Variants in GALNT18 observed in about 807,000 individuals in gnomAD.
The protein encoded by GALNT18 is GalNAc-transferase 18.
In GALNT18, 44 loss-of-function variants were observed where a neutral mutation model predicts 69.5. That is an observed-to-expected ratio of 0.63 (90% CI 0.50 to 0.81). GALNT18 has a LOEUF of 0.81. GALNT18 is among the 40% of genes least tolerant of loss of function. The probability of loss-of-function intolerance (pLI) is 0.00; values close to 1 mark genes in which losing one functional copy is unlikely to be tolerated. For missense variants in GALNT18, 715 were observed against 810.0 expected (o/e 0.88, Z 1.42); for synonymous variants, 364 against 318.2 (o/e 1.14, Z -1.53).
At chr11:11,291,860 C>T (rs572878489) in intron 10 of GALNT18, among the ~76,000 whole-genome samples, 1 of 152,286 alleles carries the variant, frequency 6.6e-6, no homozygotes, top group South Asian at 2.1e-4. Flanking sequence ...TCTGTAAGTG[C>T]TCTAATTCTG....
At chr11:11,308,795 T>C (rs11021774) in intron 9 of GALNT18, among the ~76,000 whole-genome samples, 12,786 of 152,262 alleles carry the variant, frequency 0.084, 626 homozygotes, top group Non-Finnish European at 0.11. Flanking sequence ...TCAAGGTCTT[T>C]GGCACCAGGC....
chr11:11,608,905 G>C (rs916764657), intron 1 of GALNT18, among the ~76,000 whole-genome samples: 1 of 152,150 alleles, frequency 6.6e-6, no homozygotes, highest in Middle Eastern at 3.2e-3. Context: ...ATTCTTCAAA[G>C]ATGTGTCATT....
chr11:11,350,056 G>A (rs1850371808), intron 6 of GALNT18, among the ~76,000 whole-genome samples: 1 of 152,228 alleles, frequency 6.6e-6, no homozygotes, highest in Admixed American at 6.5e-5. Flanking sequence ...AACTATCAGA[G>A]GCAGCAGGAT....
chr11:11,277,651 C>T (rs1224887503), intron 10 of GALNT18, among the ~76,000 whole-genome samples: 1 of 152,168 alleles, frequency 6.6e-6, no homozygotes, highest in Non-Finnish European at 1.5e-5. Flanking sequence ...CTATACATTT[C>T]CCTCTACAAC....
At chr11:11,388,647 G>A (rs945043611) in intron 3 of GALNT18, among the ~76,000 whole-genome samples, 2 of 152,222 alleles carry the variant, frequency 1.3e-5, no homozygotes, top group South Asian at 2.1e-4. Context: ...GGATGTGCAC[G>A]ATGAGCTCGG....
intron 3 of GALNT18, among the ~76,000 whole-genome samples, chr11:11,416,331 C>A (rs1296646640): frequency 1.3e-5 from 2 of 152,198 alleles, no homozygotes; most frequent in Non-Finnish European, 2.9e-5. Context: ...TGATGGAGAA[C>A]CCGCTCTGCA....
rs142196339 is a variant in GALNT18 at position 11,523,515 on chromosome 11, C to A, written c.236-74579G>T. Reference sequence around the variant, plus strand: ...CGGGTGGATCATGAGGTCAGGAGATCGAGACCATCTTGGCTAACACAGTGA... The same window carrying A: ...CGGGTGGATCATGAGGTCAGGAGATAGAGACCATCTTGGCTAACACAGTGA... On this transcript the variant is annotated intron_variant, in intron 1 of 10. Coordinates refer to ENST00000227756, the MANE Select transcript of GALNT18 (RefSeq NM_198516.3). This position sits in a 1 kb window ranked among gnomAD's most constrained non-coding sequence, Gnocchi z 4.3. 6.6e-6 allele frequency among the ~76,000 whole-genome samples: 1 copy of A among 151,852 alleles called. No homozygotes were observed. Among genetic ancestry groups the A allele is most frequent in the Non-Finnish European group, 1.5e-5 (1 of 67,974 alleles).
rs947779601 is a variant in GALNT18, at chr11:11,546,598, G to A, written c.235+74761C>T. Among the ~76,000 whole-genome samples, 3 of 152,126 alleles carry A rather than the reference G, an allele frequency of 2.0e-5. No homozygotes were observed. The highest frequency in any genetic ancestry group is 6.6e-5 in the Admixed American group (1 of 15,260). ...AACACAAAATCTTGACCGTGCCTTC[G>A]AAGCCTTTCCCAACCCAGATCCAGC... On this transcript the variant is annotated intron_variant, in intron 1 of 10. Coordinates refer to ENST00000227756, the MANE Select transcript of GALNT18 (RefSeq NM_198516.3). The surrounding 1 kb of genome is among the most constrained non-coding windows in gnomAD (Gnocchi z 5.8).
chr11:11,550,847 G>A (rs1281104506), intron 1 of GALNT18, among the ~76,000 whole-genome samples: 1 of 152,178 alleles, frequency 6.6e-6, no homozygotes, highest in Non-Finnish European at 1.5e-5. Flanking sequence ...CATGTGACTA[G>A]TGGCTACCAT....
At chr11:11,474,528 A>C (rs1856345688) in intron 1 of GALNT18, among the ~76,000 whole-genome samples, 2 of 152,210 alleles carry the variant, frequency 1.3e-5, no homozygotes, top group Admixed American at 6.5e-5. Context: ...CAAAAGAATG[A>C]ATGGAAGGAG....
intron 5 of GALNT18, among the ~76,000 whole-genome samples, chr11:11,374,373 C>T (rs1174314731): frequency 1.3e-5 from 2 of 152,190 alleles, no homozygotes; most frequent in African/African-American, 4.8e-5. Context: ...AACTGGCACT[C>T]AAAAGGCCAT....
rs891162972 is a variant in GALNT18 at position 11,469,399 on chromosome 11, A to G, written c.236-20463T>C. On this transcript the variant is annotated intron_variant, in intron 1 of 10. Coordinates refer to ENST00000227756, the MANE Select transcript of GALNT18 (RefSeq NM_198516.3). The surrounding 1 kb of genome is among the most constrained non-coding windows in gnomAD (Gnocchi z 4.2). ...CCTCGTCAAGTTTGTTGTTATGGCT[A>G]TGTCTTTTACAGGGTCCAGTACAGA... Among the ~76,000 whole-genome samples the G allele has an allele frequency of 2.0e-5, 3 of 152,166 alleles. No individual in the cohort carries two copies. Among genetic ancestry groups the G allele is most frequent in the African/African-American group, 7.2e-5 (3 of 41,420 alleles).
chr11:11,464,007 C>T (rs1383877557), intron 1 of GALNT18, among the ~76,000 whole-genome samples: 1 of 152,182 alleles, frequency 6.6e-6, no homozygotes, highest in African/African-American at 2.4e-5. Context: ...AGGAAGGAGG[C>T]AGTCCCGGCC....
intron 1 of GALNT18, among the ~76,000 whole-genome samples, chr11:11,506,173 C>G (rs760334445): frequency 6.6e-6 from 1 of 152,120 alleles, no homozygotes; most frequent in Admixed American, 6.5e-5. Flanking sequence ...TCTATGTCCC[C>G]AGAACTCCAG....
chr11:11,276,272 G>A (rs867168942), intron 10 of GALNT18, among the ~76,000 whole-genome samples: 2 of 152,124 alleles, frequency 1.3e-5, no homozygotes, highest in African/African-American at 4.8e-5. Flanking sequence ...GGATTCCTAG[G>A]TATTTTATTC....
At position 11,461,883 on chromosome 11, in the gene GALNT18, C is replaced by T. The variant is rs943741245; in HGVS notation, c.236-12947G>A. On this transcript the variant is annotated intron_variant, in intron 1 of 10. Coordinates refer to ENST00000227756, the MANE Select transcript of GALNT18 (RefSeq NM_198516.3). This position sits in a 1 kb window ranked among gnomAD's most constrained non-coding sequence, Gnocchi z 4.1. The stretch of plus-strand genomic sequence containing the variant: ...AGTCCTTGCTTTGGGAAACCTGCAG[C>T]CTGAATGAAGCTGCAAAAATCATAT... Among the ~76,000 whole-genome samples the T allele has an allele frequency of 6.6e-6, 1 of 152,206 alleles. No homozygotes were observed. The highest frequency in any genetic ancestry group is 2.4e-5 in the African/African-American group (1 of 41,444).
At chr11:11,370,076 GAA>G (rs35304812) in intron 6 of GALNT18, among the ~76,000 whole-genome samples, 6 of 149,654 alleles carry the variant, frequency 4.0e-5, no homozygotes, top group Non-Finnish European at 7.4e-5. Flanking sequence ...GTATCTTATG[GAA>G]AAAAAAAACC....
Position 11,465,332 on chromosome 11 carries a change from A to G in GALNT18, c.236-16396T>C, listed in dbSNP as rs1856133613. ...TTGGGTGGGCAGGGTCATCCATCAC[A>G]CTGTGTAGCCCAGGGCTAGGAAGCA... is the stretch of plus-strand genomic sequence containing the variant. On this transcript the variant is annotated intron_variant, in intron 1 of 10. Coordinates refer to ENST00000227756, the MANE Select transcript of GALNT18 (RefSeq NM_198516.3). The surrounding 1 kb of genome is among the most constrained non-coding windows in gnomAD (Gnocchi z 5.7). Among the ~76,000 whole-genome samples the G allele has an allele frequency of 6.6e-6, 1 of 152,062 alleles. No individual in the cohort carries two copies. The highest frequency in any genetic ancestry group is 2.4e-5 in the African/African-American group (1 of 41,406).
intron 1 of GALNT18, among the ~76,000 whole-genome samples, chr11:11,502,709 C>T (rs1368117580): frequency 6.6e-6 from 1 of 152,230 alleles, no homozygotes; most frequent in Non-Finnish European, 1.5e-5. Context: ...TGCAAACATC[C>T]TCATTTGGCA....
Sources: allele counts gnomAD v4.1 joint callset (sites outside exome capture counted in the v4.1 genomes callset), GRCh38; gene constraint gnomAD v4.1.1; non-coding constraint Gnocchi (gnomAD v3.1); transcripts MANE v1.5; gene names NCBI Gene and HGNC (gene_info 2026-07-23, HGNC 2026-07-21).